SYT1: variants seen among roughly 807,000 people sequenced by gnomAD.
The protein encoded by SYT1 is synaptotagmin-1.
SYT1 carries 8 observed loss-of-function variants against 44.8 expected under a neutral mutation model. The observed-to-expected ratio is 0.18, with a 90% CI of 0.10 to 0.32. SYT1 has a LOEUF of 0.32. SYT1 is among the 10% of genes least tolerant of loss of function. The probability of loss-of-function intolerance (pLI) is 1.00; values close to 1 mark genes in which losing one functional copy is unlikely to be tolerated. For missense variants in SYT1, 286 were observed against 509.3 expected, an observed-to-expected ratio of 0.56 and a Z score of 4.22; for synonymous variants, 154 against 188.8, an observed-to-expected ratio of 0.82 and a Z score of 1.51.
intron 1 of SYT1, among the ~76,000 whole-genome samples, chr12:78,952,213 T>C (rs966756808): frequency 6.6e-6 from 1 of 152,096 alleles, no homozygotes; most frequent in Non-Finnish European, 1.5e-5. Context: ...TTTCATAATA[T>C]AATAAAACTT....
chr12:78,919,300 ACTC>A (rs752494329), intron 1 of SYT1, among the ~76,000 whole-genome samples: 1 of 151,932 alleles, frequency 6.6e-6, no homozygotes, highest in Non-Finnish European at 1.5e-5. Context: ...CTATTAAAGA[ACTC>A]CTAGAATCTG....
At chr12:79,274,097 T>TAAGA (rs1878581394) in intron 4 of SYT1, among the ~76,000 whole-genome samples, 1 of 151,976 alleles carries the variant, frequency 6.6e-6, no homozygotes, top group South Asian at 2.1e-4. Flanking sequence ...AATAAATAAA[T>TAAGA]AAGAAAGAAA....
chr12:79,128,894 A>G (rs1868619018), intron 3 of SYT1, among the ~76,000 whole-genome samples: 1 of 152,126 alleles, frequency 6.6e-6, no homozygotes, highest in Non-Finnish European at 1.5e-5. Flanking sequence ...TTCCCTGAAC[A>G]CTTTTGATTT....
chr12:79,306,551 G>C (rs1880407047), intron 8 of SYT1, among the ~76,000 whole-genome samples: 1 of 152,170 alleles, frequency 6.6e-6, no homozygotes, highest in East Asian at 1.9e-4. Context: ...TAAATGCTTT[G>C]AGCATTAACA....
In SYT1 at chr12:79,293,406, AAAATT is replaced by A. The variant is rs1324695349; in HGVS notation, c.474+1280_474+1284del. On this transcript the variant is annotated intron_variant, in intron 6 of 10. Coordinates refer to ENST00000261205, the MANE Select transcript of SYT1 (RefSeq NM_005639.3). ...AAAATAAAATAAAATAAAATAAAAT[AAAATT>A]AAAAAATCTGTAAGACATAGCCCTT... Among the ~76,000 whole-genome samples, 539 of 63,774 alleles carry A rather than the reference AAAATT, an allele frequency of 8.5e-3. 48 individuals are homozygous for A. Among genetic ancestry groups the A allele is most frequent in the African/African-American group, 0.026 (466 of 18,010 alleles). 41.8% of individuals were successfully genotyped at this position (63,774 alleles called of 152,430 possible). A position where few individuals can be genotyped will look rare whatever the true frequency, so the allele number is the denominator to read the frequency against.
intron 2 of SYT1, among the ~76,000 whole-genome samples, chr12:79,003,603 G>T (rs1338250802): frequency 6.6e-6 from 1 of 151,812 alleles, no homozygotes; most frequent in Non-Finnish European, 1.5e-5. Context: ...ATCATTGATT[G>T]GTTGTTGCTT....
At chr12:79,118,421 G>A (rs1879416427) in intron 3 of SYT1, among the ~76,000 whole-genome samples, 1 of 152,110 alleles carries the variant, frequency 6.6e-6, no homozygotes, top group South Asian at 2.1e-4. Flanking sequence ...ATGTAATTTG[G>A]ATAGATAAGT....
intron 3 of SYT1, among the ~76,000 whole-genome samples, chr12:79,160,662 G>A (rs367555166): frequency 6.6e-6 from 1 of 152,202 alleles, no homozygotes; most frequent in South Asian, 2.1e-4. Flanking sequence ...TGTTGAAAGT[G>A]CTGCCAAGAC....
intron 3 of SYT1, among the ~76,000 whole-genome samples, chr12:79,051,746 C>A (rs570702642): frequency 6.6e-6 from 1 of 152,068 alleles, no homozygotes; most frequent in Admixed American, 6.6e-5. Context: ...ATATGAAGAT[C>A]TCTATAGTGA....
chr12:79,007,898 G>A (rs1033194246), intron 2 of SYT1, among the ~76,000 whole-genome samples: 2 of 151,984 alleles, frequency 1.3e-5, no homozygotes, highest in Admixed American at 1.3e-4. Flanking sequence ...TCAGTCATTC[G>A]GCATTCAACT....
intron 1 of SYT1, among the ~76,000 whole-genome samples, chr12:78,896,274 T>C (rs1446631755): frequency 6.6e-6 from 1 of 151,744 alleles, no homozygotes; most frequent in Non-Finnish European, 1.5e-5. Flanking sequence ...AGTGAATAAC[T>C]AGTGCCCTTA....
intron 1 of SYT1, 114 bp from the exon 2 acceptor site, chr12:78,977,685 G>A (rs1868947463): frequency 6.6e-6 from 1 of 152,214 alleles, no homozygotes; most frequent in South Asian, 2.1e-4. Flanking sequence ...AATAACGAAT[G>A]GGCTGCATAA....
In SYT1 at chr12:79,164,069, A is replaced by G. The variant is rs1871107205; in HGVS notation, c.-17-53434A>G. On this transcript the variant is annotated intron_variant, in intron 3 of 10. Coordinates refer to ENST00000261205, the MANE Select transcript of SYT1 (RefSeq NM_005639.3). ...GTATCATGTTCACAATACCCATTGC[A>G]CTCCTAATTCTGAAGCTTCTTTTCC... Among the ~76,000 whole-genome samples, 3 of 151,882 alleles carry G rather than the reference A, an allele frequency of 2.0e-5. No individual in the cohort carries two copies. In the South Asian group the frequency reaches 6.2e-4, roughly 31 times the overall value.
At chr12:79,108,112 A>T (rs1262560916) in intron 3 of SYT1, among the ~76,000 whole-genome samples, 1 of 152,050 alleles carries the variant, frequency 6.6e-6, no homozygotes, top group Non-Finnish European at 1.5e-5. Flanking sequence ...TAATACAAGA[A>T]AAAAGAGCAA....
At chr12:79,324,764 AC>A (rs1881532740) in intron 8 of SYT1, among the ~76,000 whole-genome samples, 1 of 151,298 alleles carries the variant, frequency 6.6e-6, no homozygotes, top group African/African-American at 2.4e-5. Flanking sequence ...GCTGGAAAAA[AC>A]CATGACTGGC....
At chr12:79,095,921 TCA>T (rs1296711577) in intron 3 of SYT1, among the ~76,000 whole-genome samples, 1 of 151,648 alleles carries the variant, frequency 6.6e-6, no homozygotes, top group African/African-American at 2.4e-5. Flanking sequence ...AGCATGAGAG[TCA>T]CACAAAATAT....
chr12:79,003,804 A>G (rs181941768), intron 2 of SYT1, among the ~76,000 whole-genome samples: 1 of 152,154 alleles, frequency 6.6e-6, no homozygotes, highest in Admixed American at 6.6e-5. Context: ...GAAAAAATGT[A>G]GGCTTTGAAG....
chr12:79,357,691 C>G (rs544778458), intron 9 of SYT1, among the ~76,000 whole-genome samples: 1 of 152,296 alleles, frequency 6.6e-6, no homozygotes, highest in South Asian at 2.1e-4. Flanking sequence ...TTGAATCTTG[C>G]AGGCTGCAAG....
intron 3 of SYT1, among the ~76,000 whole-genome samples, chr12:79,141,151 A>G (rs964712356): frequency 1.3e-5 from 2 of 152,168 alleles, no homozygotes; most frequent in Non-Finnish European, 2.9e-5. Context: ...AGCAACAAAT[A>G]TTTATTTTGC....
Sources: allele counts gnomAD v4.1 joint callset (sites outside exome capture counted in the v4.1 genomes callset), GRCh38; gene constraint gnomAD v4.1.1; transcripts MANE v1.5; gene names NCBI Gene and HGNC (gene_info 2026-07-23, HGNC 2026-07-21).